The following CDH13 variants were observed in gnomAD, a reference collection of about 807,000 sequenced individuals.
CDH13 encodes cadherin 13, also known as cadherin-13.
Under a neutral mutation model 63.8 loss-of-function variants are expected in CDH13, and 24 were observed. The observed-to-expected ratio is 0.38, with a 90% CI of 0.27 to 0.53. The LOEUF is 0.53. Among genes scored for constraint, CDH13 ranks in the 20% least tolerant of loss-of-function variants. The pLI, the probability that CDH13 is intolerant of heterozygous loss-of-function variation, is 0.85. For synonymous variants in CDH13, 503 were observed against 355.3 expected (o/e 1.42, Z -4.67); for missense variants, 1,049 against 903.1 (o/e 1.16, Z -2.07).
intron 7 of CDH13, among the ~76,000 whole-genome samples, chr16:83,496,580 C>T (rs1022620809): frequency 3.3e-5 from 5 of 152,112 alleles, no homozygotes; most frequent in Admixed American, 6.5e-5. Flanking sequence ...CTAGGCTTTA[C>T]CATTCAGGAC....
chr16:83,719,233 G>C (rs1909356086), intron 10 of CDH13, among the ~76,000 whole-genome samples: 1 of 152,184 alleles, frequency 6.6e-6, no homozygotes, highest in African/African-American at 2.4e-5. Flanking sequence ...GTCAAGCTTT[G>C]TTCTCAGAAT....
chr16:83,506,524 T>G (rs2074400723), intron 7 of CDH13, among the ~76,000 whole-genome samples: 1 of 152,194 alleles, frequency 6.6e-6, no homozygotes, highest in Admixed American at 6.5e-5. Flanking sequence ...CATCAGCATT[T>G]TCTCTTCCCT....
At chr16:82,943,087 C>G (rs2151311558) in intron 2 of CDH13, among the ~76,000 whole-genome samples, 1 of 152,298 alleles carries the variant, frequency 6.6e-6, no homozygotes, top group African/African-American at 2.4e-5. Flanking sequence ...TGGTGCATGA[C>G]TAATTGCACT....
chr16:83,281,030 C>A (rs979372864), intron 5 of CDH13, among the ~76,000 whole-genome samples: 3 of 152,134 alleles, frequency 2.0e-5, no homozygotes, highest in Non-Finnish European at 2.9e-5. Context: ...TCAATTTTAC[C>A]CCCTAACCAG....
chr16:83,590,778 C>T (rs1255407898), intron 7 of CDH13, among the ~76,000 whole-genome samples: 3 of 151,338 alleles, frequency 2.0e-5, no homozygotes, highest in South Asian at 2.1e-4. Context: ...CCTAAATCGA[C>T]GACATCAGCG....
chr16:83,064,471 A>G (rs1418494340), intron 3 of CDH13, among the ~76,000 whole-genome samples: 1 of 152,196 alleles, frequency 6.6e-6, no homozygotes, highest in African/African-American at 2.4e-5. Context: ...GTAAATGTAA[A>G]TGTTCTGCTA....
chr16:83,766,311 C>A (rs1370496814), intron 11 of CDH13, among the ~76,000 whole-genome samples: 1 of 152,128 alleles, frequency 6.6e-6, no homozygotes, highest in Non-Finnish European at 1.5e-5. Context: ...ACAGGAAGAG[C>A]CATACATATT....
intron 6 of CDH13, among the ~76,000 whole-genome samples, chr16:83,459,918 A>G (rs2073131263): frequency 6.6e-6 from 1 of 152,220 alleles, no homozygotes; most frequent in South Asian, 2.1e-4. Flanking sequence ...TCAGTCTGAT[A>G]TGCAACAGGT....
intron 1 of CDH13, among the ~76,000 whole-genome samples, chr16:82,691,041 C>A (rs1446162590): frequency 6.6e-6 from 1 of 152,202 alleles, no homozygotes; most frequent in Non-Finnish European, 1.5e-5. Flanking sequence ...TGCAGAGAAA[C>A]ACCTAGATTT....
intron 3 of CDH13, among the ~76,000 whole-genome samples, chr16:83,036,818 G>A (rs1301988654): frequency 6.6e-6 from 1 of 152,152 alleles, no homozygotes; most frequent in African/African-American, 2.4e-5. Flanking sequence ...TCCCGGAGAT[G>A]ATTTGGCTCC....
At chr16:82,804,437 A>G (rs1474393401) in intron 1 of CDH13, among the ~76,000 whole-genome samples, 1 of 152,210 alleles carries the variant, frequency 6.6e-6, no homozygotes, top group East Asian at 1.9e-4. Flanking sequence ...AATTGTATAC[A>G]TTTAACATGT....
In CDH13 at chr16:83,147,919, G is replaced by A. The variant is rs562098470; in HGVS notation, c.483+22418G>A. On this transcript the variant is annotated intron_variant, in intron 4 of 13. Transcript: ENST00000567109. ...GAAGGTAAGGAGCCAGCAGGTTCTG[G>A]TGGCTCACTGAGGCATTACTGTTCT... 8.5e-5 allele frequency among the ~76,000 whole-genome samples: 13 copies of A among 152,156 alleles called. No individual in the cohort carries two copies. The South Asian group carries it at 2.7e-3, about 32-fold the overall frequency.
intron 2 of CDH13, among the ~76,000 whole-genome samples, chr16:83,016,951 G>T (rs943856217): frequency 6.6e-6 from 1 of 152,146 alleles, no homozygotes. Context: ...TGTTTTATTT[G>T]ATGCGATCTT....
intron 1 of CDH13, among the ~76,000 whole-genome samples, chr16:82,788,999 C>T (rs1007147028): frequency 2.6e-5 from 4 of 152,160 alleles, no homozygotes; most frequent in East Asian, 1.9e-4. Flanking sequence ...TTGTATGTTT[C>T]CTTTTTGGAC....
intron 11 of CDH13, among the ~76,000 whole-genome samples, chr16:83,749,819 G>A (rs2150973970): frequency 6.6e-6 from 1 of 152,308 alleles, no homozygotes; most frequent in South Asian, 2.1e-4. Context: ...TAAGCCCAGA[G>A]AAGCCCCTGT....
intron 6 of CDH13, among the ~76,000 whole-genome samples, chr16:83,447,695 T>G (rs752576453): frequency 2.0e-5 from 3 of 151,736 alleles, no homozygotes; most frequent in Non-Finnish European, 1.5e-5. Context: ...TAATGGAGGC[T>G]GGAATGTGAA....
At chr16:83,268,516 T>G (rs1187040832) in intron 5 of CDH13, among the ~76,000 whole-genome samples, 2 of 152,204 alleles carry the variant, frequency 1.3e-5, no homozygotes, top group African/African-American at 4.8e-5. Context: ...TGATGTCATA[T>G]GAGTTACAGA....
intron 3 of CDH13, among the ~76,000 whole-genome samples, chr16:83,060,041 G>A (rs1399787705): frequency 6.6e-6 from 1 of 151,940 alleles, no homozygotes. Context: ...TGATCCGCAA[G>A]CCTCGGCCTC....
intron 3 of CDH13, among the ~76,000 whole-genome samples, chr16:83,120,512 C>T (rs751767325): frequency 6.6e-6 from 1 of 152,150 alleles, no homozygotes; most frequent in Non-Finnish European, 1.5e-5. Flanking sequence ...GAACTGAGGC[C>T]TATGTTTGCT....
Sources: allele counts gnomAD v4.1 joint callset (sites outside exome capture counted in the v4.1 genomes callset), GRCh38; gene constraint gnomAD v4.1.1; transcripts MANE v1.5; gene names NCBI Gene and HGNC (gene_info 2026-07-23, HGNC 2026-07-21).